Variants in RYR2 observed in about 807,000 individuals in gnomAD.
The protein encoded by RYR2 is cardiac muscle ryanodine receptor-calcium release channel.
Under a neutral mutation model 601.1 loss-of-function variants are expected in RYR2, and 227 were observed. The ratio of observed to expected loss-of-function variants is 0.38; its 90% CI spans 0.34 to 0.42. The LOEUF is 0.42. Ranked by LOEUF, RYR2 falls within the 10% of genes least tolerant of loss-of-function variation. The pLI is 1.00. For synonymous variants in RYR2, 2,223 were observed against 2,175.1 expected, an observed-to-expected ratio of 1.02 and a Z score of -0.61; for missense variants, 4,646 against 6,156.5, an observed-to-expected ratio of 0.75 and a Z score of 8.21.
chr1:237,288,645 G>A (rs771773743), intron 2 of RYR2, among the ~76,000 whole-genome samples: 7 of 152,102 alleles, frequency 4.6e-5, no homozygotes, highest in Non-Finnish European at 1.5e-5. Context: ...AGAAGGGCCA[G>A]TCGTACTCCC....
At chr1:237,109,680 A>T (rs10925316) in intron 1 of RYR2, among the ~76,000 whole-genome samples, 2 of 150,872 alleles carry the variant, frequency 1.3e-5, no homozygotes, top group Non-Finnish European at 2.9e-5. Context: ...ATATTTGCTG[A>T]CACTGCACTC....
At chr1:237,775,370 G>A (rs1191401983) in intron 87 of RYR2, among the ~76,000 whole-genome samples, 2 of 151,944 alleles carry the variant, frequency 1.3e-5, no homozygotes, top group Admixed American at 6.6e-5. Flanking sequence ...TTCCATTCAC[G>A]TTATTTGTTT....
rs1573967641 is a variant in RYR2, at chr1:237,792,146, G to A, written c.13605G>A (p.Thr4535=). 7 of 1,608,878 alleles carry A rather than the reference G, an allele frequency of 4.4e-6. No individual in the cohort carries two copies. Among genetic ancestry groups the A allele is most frequent in the Middle Eastern group, 3.3e-4 (2 of 6,056 alleles). The change falls in exon 94 of 105, where the codon ACG becomes ACA. Residue 4535 remains threonine (T), a synonymous_variant. Coordinates refer to ENST00000366574, the MANE Select transcript of RYR2 (RefSeq NM_001035.3). ...SSVVEGKELP[T]RSSSENAKVT... is the part of the protein sequence containing the mutation. ...TGGTTGAAGGAAAGGAGCTCCCCAC[G>A]AGAAGTTCAAGTGAAAATGCCAAAG... is the stretch of plus-strand genomic sequence containing the variant.
At chr1:237,432,300 A>T (rs1706902907) in intron 12 of RYR2, among the ~76,000 whole-genome samples, 1 of 152,134 alleles carries the variant, frequency 6.6e-6, no homozygotes, top group African/African-American at 2.4e-5. Flanking sequence ...GCATCTCCTA[A>T]TATTTCAAAT....
rs1234410752 is a variant in RYR2, at chr1:237,350,615, ATATATATATATATATATATC to A, written c.274-5348_274-5329del. Among the ~76,000 whole-genome samples the A allele has an allele frequency of 1.0e-3, 115 of 110,654 alleles. 3 individuals are homozygous for A. The highest frequency in any genetic ancestry group is 3.2e-3 in the African/African-American group (82 of 25,604). 72.6% of individuals were successfully genotyped at this position (110,654 alleles called of 152,430 possible). ...AAAAAAAAAAAAAATATATATATAT[ATATATATATATATATATATC>A]TCTGACCTCTGAGAAAGAATTTAGG... On this transcript the variant is annotated intron_variant, in intron 3 of 104. Transcript: ENST00000366574.
chr1:237,697,523 G>A (rs907000049), intron 63 of RYR2, among the ~76,000 whole-genome samples: 1 of 138,942 alleles, frequency 7.2e-6, no homozygotes, highest in Non-Finnish European at 1.5e-5. Flanking sequence ...TAATCTTTTT[G>A]TATATAACAA....
intron 100 of RYR2, among the ~76,000 whole-genome samples, chr1:237,811,768 G>A (rs1661280538): frequency 6.6e-6 from 1 of 152,170 alleles, no homozygotes; most frequent in Admixed American, 6.5e-5. Context: ...TATTGTTCAT[G>A]TGAAAATCAT....
intron 47 of RYR2, among the ~76,000 whole-genome samples, chr1:237,641,499 T>TTC (rs1351224794): frequency 9.4e-6 from 1 of 106,408 alleles, no homozygotes; most frequent in Non-Finnish European, 2.0e-5. Flanking sequence ...CTTTCTTTCT[T>TTC]TCTTTCTTTC....
chr1:237,474,423 A>G (rs780583901), intron 17 of RYR2, among the ~76,000 whole-genome samples: 10 of 151,948 alleles, frequency 6.6e-5, no homozygotes, highest in African/African-American at 2.4e-4. Context: ...TCAATGTTCT[A>G]TATATGCCTG....
intron 48 of RYR2, among the ~76,000 whole-genome samples, chr1:237,644,467 C>T (rs934968391): frequency 2.0e-4 from 31 of 151,756 alleles, no homozygotes; most frequent in African/African-American, 7.0e-4. Flanking sequence ...CTCCTGACCT[C>T]ACGATCCGCC....
At chr1:237,441,526 T>C (rs1233869007) in intron 13 of RYR2, 43 bp downstream of exon 13, 1 of 1,434,050 alleles carries the variant, frequency 7.0e-7, no homozygotes, top group Non-Finnish European at 9.2e-7. Flanking sequence ...AGTAATTTTT[T>C]ATGAATACAC....
At chr1:237,255,391 T>A (rs1687852308) in intron 1 of RYR2, among the ~76,000 whole-genome samples, 1 of 152,228 alleles carries the variant, frequency 6.6e-6, no homozygotes, top group Non-Finnish European at 1.5e-5. Flanking sequence ...ATTGGTGGAT[T>A]CCACATAGAT....
chr1:237,493,181 A>AACAGACC, intron 19 of RYR2, 94 bp downstream of exon 19: 1 of 1,359,862 alleles, frequency 7.4e-7, no homozygotes, highest in South Asian at 1.2e-5. Flanking sequence ...CTGTTTTTTA[A>AACAGACC]ATTAGACCAT....
In RYR2 at chr1:237,800,849, T is replaced by G. The variant is rs555137585; in HGVS notation, c.14091-1007T>G. Reference sequence around the variant, plus strand: ...GTATTTAGACATTCAGTGTGTGAGCTGGGGAGTTCACAGACAAGTGAGAGA... The same window carrying G: ...GTATTTAGACATTCAGTGTGTGAGCGGGGGAGTTCACAGACAAGTGAGAGA... On this transcript the variant is annotated intron_variant, in intron 97 of 104. Coordinates refer to ENST00000366574, the MANE Select transcript of RYR2 (RefSeq NM_001035.3). Among the ~76,000 whole-genome samples the G allele has an allele frequency of 2.0e-5, 3 of 152,282 alleles. No individual in the cohort carries two copies. The East Asian group carries it at 5.8e-4, about 29-fold the overall frequency.
chr1:237,692,464 T>C (rs1166747114), intron 63 of RYR2, among the ~76,000 whole-genome samples: 8 of 152,180 alleles, frequency 5.3e-5, no homozygotes, highest in Admixed American at 4.6e-4. Flanking sequence ...TGGCTTCCCA[T>C]GCCTTTAGGG....
At chr1:237,384,000 A>G (rs1701775915) in intron 8 of RYR2, among the ~76,000 whole-genome samples, 1 of 152,178 alleles carries the variant, frequency 6.6e-6, no homozygotes. Flanking sequence ...CAGTAACTGA[A>G]ACTGTTGTTG....
chr1:237,384,993 C>T (rs1205744719), intron 8 of RYR2, among the ~76,000 whole-genome samples: 2 of 152,010 alleles, frequency 1.3e-5, no homozygotes, highest in African/African-American at 2.4e-5. Context: ...GGGTTCACAC[C>T]ATTTTCCTGC....
At chr1:237,543,516 G>A (rs1228524574) in intron 25 of RYR2, among the ~76,000 whole-genome samples, 1 of 152,160 alleles carries the variant, frequency 6.6e-6, no homozygotes, top group East Asian at 1.9e-4. Context: ...TCTCTGGTGT[G>A]CAGTCATCTG....
intron 47 of RYR2, among the ~76,000 whole-genome samples, chr1:237,641,596 C>T (rs1413288702): frequency 1.3e-5 from 2 of 150,958 alleles, no homozygotes; most frequent in African/African-American, 4.9e-5. Context: ...GGCTAGAGTG[C>T]AGTGGCATGA....
Sources: allele counts gnomAD v4.1 joint callset (sites outside exome capture counted in the v4.1 genomes callset), GRCh38; gene constraint gnomAD v4.1.1; transcripts MANE v1.5; gene names NCBI Gene and HGNC (gene_info 2026-07-23, HGNC 2026-07-21).